The following CACNA2D3 variants were observed in gnomAD, a reference collection of about 807,000 sequenced individuals.
CACNA2D3 encodes calcium voltage-gated channel auxiliary subunit alpha2delta 3, also known as voltage-dependent calcium channel subunit alpha-2/delta-3.
In CACNA2D3, 60 loss-of-function variants were observed where a neutral mutation model predicts 160.6. The ratio of observed to expected loss-of-function variants is 0.37; its 90% CI spans 0.30 to 0.46. The LOEUF (loss-of-function observed/expected upper bound fraction) is 0.46, where lower values mean the gene tolerates loss of function less well. CACNA2D3 is among the 20% of genes least tolerant of loss of function. The pLI is 1.00. For missense variants in CACNA2D3, 1,205 were observed against 1,365.0 expected, an observed-to-expected ratio of 0.88 and a Z score of 1.85; for synonymous variants, 558 against 492.9, an observed-to-expected ratio of 1.13 and a Z score of -1.75.
At chr3:54,704,451 C>T (rs1700820790) in intron 11 of CACNA2D3, among the ~76,000 whole-genome samples, 1 of 139,368 alleles carries the variant, frequency 7.2e-6, no homozygotes, top group South Asian at 2.1e-4. Context: ...TTATTTTTCC[C>T]TCTTTTTTTT....
intron 35 of CACNA2D3, among the ~76,000 whole-genome samples, chr3:55,040,402 A>C (rs1703932194): frequency 6.6e-6 from 1 of 152,238 alleles, no homozygotes; most frequent in East Asian, 1.9e-4. Context: ...AATAATATTC[A>C]AATATCCATA....
At chr3:54,775,675 A>G (rs564047353) in intron 13 of CACNA2D3, among the ~76,000 whole-genome samples, 3 of 152,160 alleles carry the variant, frequency 2.0e-5, no homozygotes, top group African/African-American at 7.2e-5. Context: ...AAATTGAGAA[A>G]GTTAGTATAG....
chr3:54,537,762 G>GC (rs904410621), intron 5 of CACNA2D3, among the ~76,000 whole-genome samples: 2 of 152,266 alleles, frequency 1.3e-5, no homozygotes, highest in African/African-American at 4.8e-5. Flanking sequence ...CTGTGGTTAG[G>GC]CAGCACCTAC....
At chr3:54,686,476 C>T (rs992358468) in intron 11 of CACNA2D3, among the ~76,000 whole-genome samples, 2 of 152,132 alleles carry the variant, frequency 1.3e-5, no homozygotes, top group Non-Finnish European at 2.9e-5. Context: ...TACAAAACAA[C>T]AGGAGGTAAG....
chr3:54,700,963 A>G (rs1165384551), intron 11 of CACNA2D3, among the ~76,000 whole-genome samples: 1 of 152,214 alleles, frequency 6.6e-6, no homozygotes, highest in Non-Finnish European at 1.5e-5. Flanking sequence ...GAGTCCCAGC[A>G]TATTCTCAAA....
chr3:54,759,227 G>A (rs928913718), intron 12 of CACNA2D3, among the ~76,000 whole-genome samples: 2 of 152,100 alleles, frequency 1.3e-5, no homozygotes, highest in African/African-American at 2.4e-5. Flanking sequence ...GGTAATTACC[G>A]AATCATTGCT....
At chr3:54,153,640 C>T (rs1700189718) in intron 2 of CACNA2D3, among the ~76,000 whole-genome samples, 1 of 152,018 alleles carries the variant, frequency 6.6e-6, no homozygotes, top group Non-Finnish European at 1.5e-5. Flanking sequence ...GAGCTATGGC[C>T]CATCTCATGA....
intron 3 of CACNA2D3, among the ~76,000 whole-genome samples, chr3:54,381,253 G>C (rs1699097949): frequency 1.3e-5 from 2 of 151,940 alleles, no homozygotes; most frequent in Admixed American, 6.6e-5. Context: ...TTATATTTCT[G>C]TTTTGTTTTG....
chr3:54,810,195 C>T lies in CACNA2D3; in HGVS notation c.1381-6658C>T, dbSNP rs776706034. Among the ~76,000 whole-genome samples the T allele has an allele frequency of 1.6e-4, 25 of 152,248 alleles. 1 individual carries two copies. Among genetic ancestry groups the T allele is most frequent in the Middle Eastern group, 3.4e-3 (1 of 294 alleles). ...GCTTTAAGGCAAGTGAAATTTGAAG[C>T]ACAGGCTGCCAAGTACCAGGCTTAT... On this transcript the variant is annotated intron_variant, in intron 13 of 37. Coordinates refer to ENST00000474759, the MANE Select transcript of CACNA2D3 (RefSeq NM_018398.3).
intron 4 of CACNA2D3, among the ~76,000 whole-genome samples, chr3:54,442,099 G>A (rs1041980801): frequency 4.6e-5 from 7 of 152,214 alleles, no homozygotes; most frequent in African/African-American, 1.4e-4. Context: ...GTGTACCACC[G>A]TGTCCAGCTC....
intron 2 of CACNA2D3, among the ~76,000 whole-genome samples, chr3:54,215,043 C>T (rs1701436120): frequency 6.6e-6 from 1 of 152,168 alleles, no homozygotes; most frequent in South Asian, 2.1e-4. Flanking sequence ...GTGACATCAT[C>T]CTGTCCCCTC....
intron 11 of CACNA2D3, among the ~76,000 whole-genome samples, chr3:54,647,663 A>G (rs1699678432): frequency 6.6e-6 from 1 of 152,184 alleles, no homozygotes; most frequent in South Asian, 2.1e-4. Flanking sequence ...GGCATTTGTG[A>G]GTGTCATTTG....
intron 18 of CACNA2D3, among the ~76,000 whole-genome samples, chr3:54,872,502 A>G (rs2106823115): frequency 6.6e-6 from 1 of 152,092 alleles, no homozygotes; most frequent in African/African-American, 2.4e-5. Context: ...TCCATCTCTC[A>G]CTGCATCCTG....
chr3:54,346,743 C>G (rs1176073265), intron 3 of CACNA2D3, among the ~76,000 whole-genome samples: 1 of 152,100 alleles, frequency 6.6e-6, no homozygotes, highest in Non-Finnish European at 1.5e-5. Flanking sequence ...TTGTATAGTT[C>G]TAAGGGTTTT....
chr3:54,243,982 C>T (rs191597426), intron 2 of CACNA2D3, among the ~76,000 whole-genome samples: 184 of 152,310 alleles, frequency 1.2e-3, no homozygotes, highest in African/African-American at 4.1e-3. Context: ...CTGGCAGATA[C>T]AGGAGTCCTG....
chr3:54,448,676 T>A (rs532277179), intron 4 of CACNA2D3, among the ~76,000 whole-genome samples: 1 of 152,344 alleles, frequency 6.6e-6, no homozygotes, highest in East Asian at 1.9e-4. Flanking sequence ...TCCACCTCTG[T>A]GGGCACCAAT....
chr3:54,298,768 A>C (rs901279098), intron 2 of CACNA2D3, among the ~76,000 whole-genome samples: 16 of 151,856 alleles, frequency 1.1e-4, no homozygotes, highest in Non-Finnish European at 2.9e-5. Context: ...TGATCATGCC[A>C]CTGCACTCTG....
intron 2 of CACNA2D3, among the ~76,000 whole-genome samples, chr3:54,166,508 G>A (rs940162780): frequency 2.6e-5 from 4 of 152,144 alleles, no homozygotes; most frequent in Non-Finnish European, 5.9e-5. Flanking sequence ...ACAGGAGTTT[G>A]TTGCCCCCTT....
intron 17 of CACNA2D3, among the ~76,000 whole-genome samples, chr3:54,862,735 T>G (rs7644942): frequency 0.39 from 59,603 of 151,894 alleles, 12,214 homozygotes; most frequent in Admixed American, 0.54. Flanking sequence ...CCGAACTACT[T>G]ACCACAGGAG....
Sources: allele counts gnomAD v4.1 joint callset (sites outside exome capture counted in the v4.1 genomes callset), GRCh38; gene constraint gnomAD v4.1.1; transcripts MANE v1.5; gene names NCBI Gene and HGNC (gene_info 2026-07-23, HGNC 2026-07-21).